Variants in CPQ observed in about 807,000 individuals in gnomAD.
CPQ encodes the protein carboxypeptidase Q.
Under a neutral mutation model 45.7 loss-of-function variants are expected in CPQ, and 37 were observed. The ratio of observed to expected loss-of-function variants is 0.81; its 90% CI spans 0.62 to 1.07. The LOEUF (loss-of-function observed/expected upper bound fraction) is 1.07, where lower values mean the gene tolerates loss of function less well. Among genes scored for constraint, CPQ ranks in the 50% least tolerant of loss-of-function variants. The pLI, the probability that CPQ is intolerant of heterozygous loss-of-function variation, is 0.00. For missense variants in CPQ, 537 were observed against 572.9 expected, an observed-to-expected ratio of 0.94 and a Z score of 0.64; for synonymous variants, 186 against 205.8, an observed-to-expected ratio of 0.90 and a Z score of 0.82.
At chr8:96,709,834 T>C (rs1222005527) in intron 1 of CPQ, among the ~76,000 whole-genome samples, 1 of 152,196 alleles carries the variant, frequency 6.6e-6, no homozygotes, top group Non-Finnish European at 1.5e-5. Context: ...AATATTGGTC[T>C]GTAGTTTTCT....
intron 7 of CPQ, among the ~76,000 whole-genome samples, chr8:97,115,839 GT>G (rs1484521480): frequency 6.6e-5 from 10 of 152,118 alleles, no homozygotes; most frequent in Admixed American, 6.5e-4. Context: ...AAGAAATGGA[GT>G]TTCTACTTTA....
chr8:97,082,918 C>T (rs989202154), intron 7 of CPQ, among the ~76,000 whole-genome samples: 2 of 152,140 alleles, frequency 1.3e-5, no homozygotes, highest in African/African-American at 4.8e-5. Context: ...AAGAATAAGG[C>T]AATGAGGTAA....
At chr8:96,716,571 C>T (rs879848386) in intron 1 of CPQ, among the ~76,000 whole-genome samples, 2 of 152,084 alleles carry the variant, frequency 1.3e-5, no homozygotes, top group Non-Finnish European at 2.9e-5. Context: ...TGAGTGAGAA[C>T]GTACGATGTT....
chr8:96,713,188 C>T (rs112698275), intron 1 of CPQ, among the ~76,000 whole-genome samples: 3,653 of 152,262 alleles, frequency 0.024, 161 homozygotes, highest in African/African-American at 0.083. Context: ...TTCCAAACTT[C>T]TCCACATCTT....
chr8:96,908,747 G>GCGCACACACACACACA (rs149476038), intron 4 of CPQ, among the ~76,000 whole-genome samples: 5 of 140,914 alleles, frequency 3.5e-5, no homozygotes, highest in East Asian at 2.0e-4. Context: ...ATACACATGC[G>GCGCACACACACACACA]CACACACACA....
intron 7 of CPQ, among the ~76,000 whole-genome samples, chr8:97,131,838 A>C (rs749048856): frequency 2.0e-5 from 3 of 152,190 alleles, no homozygotes; most frequent in Non-Finnish European, 4.4e-5. Context: ...GGTTCCTAAG[A>C]CTGATTCCAA....
At chr8:96,913,556 A>G (rs941786252) in intron 4 of CPQ, among the ~76,000 whole-genome samples, 1 of 152,160 alleles carries the variant, frequency 6.6e-6, no homozygotes, top group African/African-American at 2.4e-5. Context: ...TCCACCCATT[A>G]AAAGCTTTCA....
At chr8:96,829,375 T>G (rs1045873246) in intron 2 of CPQ, among the ~76,000 whole-genome samples, 3 of 152,092 alleles carry the variant, frequency 2.0e-5, no homozygotes, top group Admixed American at 6.6e-5. Flanking sequence ...TGCCCCTTGT[T>G]CCTCTTTCTC....
chr8:96,713,275 A>G (rs534915090), intron 1 of CPQ, among the ~76,000 whole-genome samples: 1 of 152,298 alleles, frequency 6.6e-6, no homozygotes, highest in Admixed American at 6.5e-5. Context: ...TGAGCTCTCA[A>G]AACTGTTCCA....
chr8:96,908,107 CGTGTGTGT>C (rs35548556), intron 4 of CPQ, among the ~76,000 whole-genome samples: 2,427 of 145,602 alleles, frequency 0.017, 43 homozygotes, highest in African/African-American at 0.044. Context: ...CCCACTGCAA[CGTGTGTGT>C]GTGTGTGTGT....
intron 2 of CPQ, among the ~76,000 whole-genome samples, chr8:96,810,395 A>G (rs1218311988): frequency 6.6e-6 from 1 of 152,206 alleles, no homozygotes; most frequent in Non-Finnish European, 1.5e-5. Context: ...GATTGTGGAA[A>G]GAATGCAAGG....
At chr8:96,885,924 G>A (rs935815020) in intron 4 of CPQ, among the ~76,000 whole-genome samples, 5 of 151,864 alleles carry the variant, frequency 3.3e-5, no homozygotes, top group African/African-American at 1.2e-4. Context: ...CCTGGGAGGC[G>A]GAGATCGCAC....
rs183510392 is a variant in CPQ, at chr8:97,052,397, G to A, written c.1054-13612G>A. Among the ~76,000 whole-genome samples the A allele has an allele frequency of 5.9e-5, 9 of 152,162 alleles. No homozygotes were observed. In the South Asian group the frequency reaches 1.0e-3, roughly 18 times the overall value. On this transcript the variant is annotated intron_variant, in intron 6 of 7. Coordinates refer to ENST00000220763, the MANE Select transcript of CPQ (RefSeq NM_016134.4). ...TTAAAACTTACAAAATATGTGAAGC[G>A]ATTGTTAAAAATCTAAGTAGTCCCA...
intron 5 of CPQ, among the ~76,000 whole-genome samples, chr8:97,015,684 T>C (rs1050902888): frequency 1.3e-5 from 2 of 152,222 alleles, no homozygotes; most frequent in African/African-American, 4.8e-5. Flanking sequence ...ATTGGTGGCA[T>C]GTGTCAAGAG....
intron 3 of CPQ, among the ~76,000 whole-genome samples, chr8:96,840,726 C>T (rs1811594569): frequency 1.3e-5 from 2 of 152,124 alleles, no homozygotes; most frequent in Non-Finnish European, 2.9e-5. Flanking sequence ...AAGAAATCAG[C>T]AGGAGGCATA....
chr8:97,078,799 CTCTCTCTCCCT>C (rs1810896597), intron 7 of CPQ, among the ~76,000 whole-genome samples: 1 of 150,148 alleles, frequency 6.7e-6, no homozygotes, highest in Non-Finnish European at 1.5e-5. Context: ...CTCTCTCTCT[CTCTCTCTCCCT>C]CTCTCCTTTT....
At chr8:96,989,818 T>C (rs1180639600) in intron 5 of CPQ, among the ~76,000 whole-genome samples, 5 of 151,862 alleles carry the variant, frequency 3.3e-5, no homozygotes, top group African/African-American at 4.8e-5. Context: ...TTGCCAGAGC[T>C]GGGAGGGGAA....
At position 96,785,055 on chromosome 8, in the gene CPQ, T is replaced by C; in HGVS notation, c.158T>C (p.Leu53Pro). 6.2e-7 allele frequency: 1 copy of C among 1,613,868 alleles called. No homozygotes were observed. The highest frequency in any genetic ancestry group is 1.3e-5 in the African/African-American group (1 of 75,034). ...CGDVAKAIIN[L>P]AVYGKAQNRS... ...GATGTTGCTAAAGCAATCATCAACC[T>C]AGCTGTTTATGGTAAAGCCCAGAAC... is the stretch of plus-strand genomic sequence containing the variant. The change falls in exon 2 of 8, where the codon CTA becomes CCA. Residue 53 changes from leucine to proline, a missense_variant. Physicochemically the swap from Leu to Pro is moderately conservative, Grantham distance 98. Transcript: ENST00000220763.
At chr8:96,984,945 T>G (rs1813984253) in intron 5 of CPQ, among the ~76,000 whole-genome samples, 1 of 152,224 alleles carries the variant, frequency 6.6e-6, no homozygotes, top group Non-Finnish European at 1.5e-5. Context: ...TCAGTTACCT[T>G]CTTCCTGAAG....
Sources: allele counts gnomAD v4.1 joint callset (sites outside exome capture counted in the v4.1 genomes callset), GRCh38; gene constraint gnomAD v4.1.1; transcripts MANE v1.5; gene names NCBI Gene and HGNC (gene_info 2026-07-23, HGNC 2026-07-21).